The following SGCD variants were observed in gnomAD, a reference collection of about 807,000 sequenced individuals.
SGCD encodes the protein sarcoglycan delta.
Under a neutral mutation model 36.6 loss-of-function variants are expected in SGCD, and 18 were observed. The observed-to-expected ratio is 0.49, with a 90% CI of 0.34 to 0.73. The LOEUF (loss-of-function observed/expected upper bound fraction) is 0.73, where lower values mean the gene tolerates loss of function less well. SGCD is among the 30% of genes least tolerant of loss of function. The pLI, the probability that SGCD is intolerant of heterozygous loss-of-function variation, is 0.01. For missense variants in SGCD, 387 were observed against 346.7 expected, an observed-to-expected ratio of 1.12 and a Z score of -0.92; for synonymous variants, 133 against 130.6, an observed-to-expected ratio of 1.02 and a Z score of -0.12.
At chr5:155,980,053 C>T (rs1227406988) in intron 1 of SGCD, among the ~76,000 whole-genome samples, 1 of 152,180 alleles carries the variant, frequency 6.6e-6, no homozygotes, top group Non-Finnish European at 1.5e-5. Context: ...AGCTCTCTCT[C>T]TTCTCCATGT....
intron 6 of SGCD, among the ~76,000 whole-genome samples, chr5:156,645,513 A>G (rs181187236): frequency 1.3e-5 from 2 of 152,308 alleles, no homozygotes; most frequent in Admixed American, 1.3e-4. Context: ...GCATTACTTG[A>G]TGGTATAAAC....
chr5:155,840,378 G>C, the SGCD span, among the ~76,000 whole-genome samples: 1 of 150,396 alleles, frequency 6.6e-6, no homozygotes, highest in Middle Eastern at 3.4e-3. Flanking sequence ...CGAGTAGCTG[G>C]GACTACAGGT....
chr5:155,868,275 C>T (rs1229164195), upstream of SGCD, among the ~76,000 whole-genome samples: 1 of 151,880 alleles, frequency 6.6e-6, no homozygotes, highest in Admixed American at 6.6e-5. Context: ...TGGTCTCAAG[C>T]TCCTGGCCTC....
chr5:156,657,580 T>C lies in SGCD; in HGVS notation c.575+10044T>C, dbSNP rs536288563. ...GAGTTCCAGATCAGCCTGGCCACCA[T>C]GGTGAAACCCCATCTCTACTAAAAA... On this transcript the variant is annotated intron_variant, in intron 7 of 8. Transcript: ENST00000337851. 4.0e-3 allele frequency among the ~76,000 whole-genome samples: 614 copies of C among 151,760 alleles called. 2 individuals are homozygous for C. Among genetic ancestry groups the C allele is most frequent in the African/African-American group, 0.014 (568 of 41,354 alleles).
chr5:156,132,958 C>T (rs540338812), intron 3 of SGCD, among the ~76,000 whole-genome samples: 5 of 152,282 alleles, frequency 3.3e-5, no homozygotes, highest in South Asian at 4.1e-4. Context: ...TAATTTTGAA[C>T]GTCACTTTCT....
chr5:156,610,385 C>T (rs985502919), intron 6 of SGCD, among the ~76,000 whole-genome samples: 1 of 152,144 alleles, frequency 6.6e-6, no homozygotes, highest in African/African-American at 2.4e-5. Context: ...AGTGTTGCTG[C>T]CTGATCATTC....
chr5:155,766,217 G>C, the SGCD span, among the ~76,000 whole-genome samples: 2 of 152,122 alleles, frequency 1.3e-5, no homozygotes, highest in African/African-American at 2.4e-5. Context: ...GCCATCAAAG[G>C]ATAGTCCAAT....
intron 1 of SGCD, among the ~76,000 whole-genome samples, chr5:155,965,828 G>A (rs73301391): frequency 0.043 from 6,550 of 152,092 alleles, 489 homozygotes; most frequent in African/African-American, 0.15. Context: ...AGGAGCCCCC[G>A]ACCCCTTCTT....
At chr5:156,643,109 T>C (rs1033657787) in intron 6 of SGCD, among the ~76,000 whole-genome samples, 2 of 149,666 alleles carry the variant, frequency 1.3e-5, no homozygotes, top group African/African-American at 2.5e-5. Flanking sequence ...CTTGGCTCAC[T>C]GCAACCTCCA....
chr5:155,989,544 C>A (rs958946082), intron 1 of SGCD, among the ~76,000 whole-genome samples: 65 of 152,174 alleles, frequency 4.3e-4, no homozygotes, highest in African/African-American at 1.5e-3. Flanking sequence ...CCTCTCAAAT[C>A]TCCTTTCCAA....
At chr5:156,407,623 T>G (rs753456234) in intron 3 of SGCD, among the ~76,000 whole-genome samples, 1 of 152,210 alleles carries the variant, frequency 6.6e-6, no homozygotes, top group Non-Finnish European at 1.5e-5. Flanking sequence ...TCAGTTAAAT[T>G]TTCTATGGTA....
intron 3 of SGCD, among the ~76,000 whole-genome samples, chr5:156,229,279 T>TACATATATATATACATAC (rs1561574947): frequency 1.7e-4 from 9 of 51,620 alleles, no homozygotes; most frequent in African/African-American, 7.2e-4. Flanking sequence ...TATACATACA[T>TACATATATATATACATAC]ATATATATAT....
At chr5:155,966,992 C>T (rs897450290) in intron 1 of SGCD, among the ~76,000 whole-genome samples, 16 of 149,214 alleles carry the variant, frequency 1.1e-4, no homozygotes, top group South Asian at 2.1e-4. Flanking sequence ...TATATGTGTG[C>T]GTATGTGTGT....
intron 3 of SGCD, among the ~76,000 whole-genome samples, chr5:156,199,816 C>G (rs148467513): frequency 1.3e-5 from 2 of 152,106 alleles, no homozygotes; most frequent in East Asian, 3.9e-4. Flanking sequence ...AAATAAATGA[C>G]TCATCAACTA....
At position 156,552,486 on chromosome 5, in the gene SGCD, C is replaced by T. The variant is rs1469409432; in HGVS notation, c.295-36745C>T. ...TGTATGTTTGTTTGTAAATAAGTCA[C>T]AGCAATCATGCTTATATTACTCATT... is the stretch of plus-strand genomic sequence containing the variant. On this transcript the variant is annotated intron_variant, in intron 4 of 8. Transcript: ENST00000337851. 7.9e-5 allele frequency among the ~76,000 whole-genome samples: 12 copies of T among 152,120 alleles called. 1 individual carries two copies. Among genetic ancestry groups the T allele is most frequent in the Admixed American group, 5.9e-4 (9 of 15,264 alleles).
chr5:156,173,107 G>T (rs1451459683), intron 3 of SGCD, among the ~76,000 whole-genome samples: 1 of 151,790 alleles, frequency 6.6e-6, no homozygotes, highest in Admixed American at 6.6e-5. Context: ...CTCTGACATA[G>T]GCAAGTCAAT....
intron 4 of SGCD, among the ~76,000 whole-genome samples, chr5:156,569,543 G>T (rs563283453): frequency 1.3e-5 from 2 of 151,444 alleles, no homozygotes; most frequent in Middle Eastern, 3.4e-3. Context: ...AGTGAGCCAA[G>T]ATCGCCCCAC....
At chr5:155,970,124 C>A (rs557594526) in intron 1 of SGCD, among the ~76,000 whole-genome samples, 1 of 152,026 alleles carries the variant, frequency 6.6e-6, no homozygotes, top group Non-Finnish European at 1.5e-5. Flanking sequence ...TAGTCTCAAT[C>A]TAGAGGGATT....
chr5:156,020,533 C>A (rs1759075586), intron 1 of SGCD, among the ~76,000 whole-genome samples: 1 of 151,976 alleles, frequency 6.6e-6, no homozygotes, highest in African/African-American at 2.4e-5. Flanking sequence ...TAAAACAATG[C>A]TGTTTGTAAT....
Sources: allele counts gnomAD v4.1 joint callset (sites outside exome capture counted in the v4.1 genomes callset), GRCh38; gene constraint gnomAD v4.1.1; transcripts MANE v1.5; gene names NCBI Gene and HGNC (gene_info 2026-07-23, HGNC 2026-07-21).